MIER1: variants seen among roughly 807,000 people sequenced by gnomAD.
MIER1 encodes mesoderm induction early response protein 1.
Under a neutral mutation model 75.7 loss-of-function variants are expected in MIER1, and 40 were observed. The ratio of observed to expected loss-of-function variants is 0.53; its 90% confidence interval spans 0.41 to 0.69. MIER1 has a LOEUF of 0.69. Among genes scored for constraint, MIER1 ranks in the 30% least tolerant of loss-of-function variants. MIER1 has a pLI of 0.00. For missense variants in MIER1, 574 were observed against 680.2 expected, an observed-to-expected ratio of 0.84 and a Z score of 1.74; for synonymous variants, 213 against 223.4, an observed-to-expected ratio of 0.95 and a Z score of 0.42.
Position 66,984,863 on chromosome 1 carries a change from A to T in MIER1, c.1661A>T (p.His554Leu), listed in dbSNP as rs754428061. 6.3e-7 allele frequency: 1 copy of T among 1,597,542 alleles called. No individual in the cohort carries two copies. Among genetic ancestry groups the T allele is most frequent in the Non-Finnish European group, 8.5e-7 (1 of 1,175,478 alleles). The change falls in exon 14 of 14, where the codon CAT (histidine) becomes CTT (leucine). Residue 554 changes from histidine (H) to leucine (L), a missense_variant. His to Leu is a moderately conservative substitution (Grantham distance 99). This residue lies in a region of MIER1 where 164 missense variants were observed against 154.3 expected (regional missense o/e 1.06). Transcript: ENST00000401041. ...SSEFFQEAVS[H>L]GKFEELENTD... is the part of the protein sequence containing the mutation. ...GAATTTTTCCAAGAAGCAGTCTCAC[A>T]TGGGAAATTTGAAGAACTTGAAAAC...
At position 66,984,891 on chromosome 1, in the gene MIER1, A is replaced by G; in HGVS notation, c.1689A>G (p.Thr563=). Residue 563 remains threonine, a synonymous_variant, in exon 14 of 14, where the codon ACA becomes ACG. Coordinates refer to ENST00000401041, the MANE Select transcript of MIER1 (RefSeq NM_001077700.3). The part of the protein sequence containing the change: ...SHGKFEELEN[T]DD ...GGAAATTTGAAGAACTTGAAAACACAGATGACTAAATTTTAGACCTATTTT... is the reference window on the plus strand; with the variant it reads ...GGAAATTTGAAGAACTTGAAAACACGGATGACTAAATTTTAGACCTATTTT... The G allele has an allele frequency of 6.3e-7, 1 of 1,584,826 alleles. No homozygotes were observed. The highest frequency in any genetic ancestry group is 8.5e-7 in the Non-Finnish European group (1 of 1,170,674).
rs1481563493 is a variant in MIER1, at chr1:66,986,373, ATATT to A, written c.*1474_*1477del. 2.8e-5 allele frequency: 45 copies of A among 1,603,168 alleles called. No homozygotes were observed. The highest frequency in any genetic ancestry group is 3.5e-5 in the Non-Finnish European group (41 of 1,175,748). ...CAACCTATATCCAAACTTTTATAAA[ATATT>A]AATTATTCTTGTTTTTCTCACACAG... On this transcript the variant is annotated 3_prime_UTR_variant, in exon 14 of 14. Coordinates refer to ENST00000401041, the MANE Select transcript of MIER1 (RefSeq NM_001077700.3).
At chr1:66,929,038 C>A in intron 2 of MIER1, 1 of 898,266 alleles carries the variant, frequency 1.1e-6, no homozygotes, top group Non-Finnish European at 1.8e-6. Flanking sequence ...TATTATTGGA[C>A]ATAACAGTTT....
chr1:66,964,618 A>G (rs1006550095), intron 8 of MIER1, among the ~76,000 whole-genome samples: 5 of 151,164 alleles, frequency 3.3e-5, no homozygotes, highest in Non-Finnish European at 7.4e-5. Flanking sequence ...ACGCCCAGCT[A>G]ATTTTGTATT....
intron 12 of MIER1, among the ~76,000 whole-genome samples, chr1:66,981,066 A>G (rs1464010017): frequency 7.0e-6 from 1 of 142,168 alleles, no homozygotes; most frequent in Non-Finnish European, 1.5e-5. Context: ...ATGTACATAT[A>G]TAATACAATA....
intron 4 of MIER1, among the ~76,000 whole-genome samples, chr1:66,951,745 A>G (rs979657481): frequency 6.6e-6 from 1 of 152,078 alleles, no homozygotes; most frequent in East Asian, 1.9e-4. Flanking sequence ...GTGCCTGGCT[A>G]CATTCCTGTA....
At chr1:66,925,492 G>C in intron 1 of MIER1, 2 of 985,460 alleles carry the variant, frequency 2.0e-6, no homozygotes, top group Non-Finnish European at 2.4e-6. Context: ...CCTCACTTGT[G>C]TCCCATCCCC....
At chr1:66,966,498 G>A (rs978262010) in intron 8 of MIER1, among the ~76,000 whole-genome samples, 1 of 152,266 alleles carries the variant, frequency 6.6e-6, no homozygotes, top group Non-Finnish European at 1.5e-5. Context: ...ATAAACATAC[G>A]TGTGCATGTG....
At chr1:66,957,376 TACTTGTA>T (rs891113782) in intron 4 of MIER1, among the ~76,000 whole-genome samples, 16 of 152,342 alleles carry the variant, frequency 1.1e-4, no homozygotes, top group African/African-American at 3.6e-4. Flanking sequence ...CTGGCTCTAC[TACTTGTA>T]ACTTGTGTGA....
At chr1:66,928,469 T>G (rs555604151) in intron 2 of MIER1, among the ~76,000 whole-genome samples, 1 of 152,192 alleles carries the variant, frequency 6.6e-6, no homozygotes, top group South Asian at 2.1e-4. Flanking sequence ...AAATTAGCTT[T>G]CATATGTTAA....
chr1:66,965,793 T>G (rs1197088899), intron 8 of MIER1, among the ~76,000 whole-genome samples: 1 of 152,192 alleles, frequency 6.6e-6, no homozygotes, highest in Non-Finnish European at 1.5e-5. Flanking sequence ...CATCCCTACC[T>G]CTCTCTTACT....
Position 66,985,993 on chromosome 1 carries a change from C to A in MIER1, c.*1093C>A. ...TAAGTGCTTAAATATATCATGCTGA[C>A]CAGAATCCTGTTATTTTTATATGCA... On this transcript the variant is annotated 3_prime_UTR_variant, in exon 14 of 14. Coordinates refer to ENST00000401041, the MANE Select transcript of MIER1 (RefSeq NM_001077700.3). 4.0e-6 allele frequency: 4 copies of A among 988,542 alleles called. No homozygotes were observed. Among genetic ancestry groups the A allele is most frequent in the Non-Finnish European group, 4.8e-6 (4 of 832,060 alleles). 61.2% of individuals were successfully genotyped at this position (988,542 alleles called of 1,614,324 possible).
intron 2 of MIER1, among the ~76,000 whole-genome samples, chr1:66,933,017 T>C (rs956011485): frequency 1.3e-5 from 2 of 152,158 alleles, no homozygotes; most frequent in East Asian, 3.8e-4. Flanking sequence ...GGTTCTTCAG[T>C]TGTGATAACA....
chr1:66,978,305 G>C lies in MIER1; in HGVS notation c.1229+1583G>C, dbSNP rs114473064. On this transcript the variant is annotated intron_variant, in intron 12 of 13. Coordinates refer to ENST00000401041, the MANE Select transcript of MIER1 (RefSeq NM_001077700.3). ...TCATTTATAGGTAGGTATCTCTGCT[G>C]GTCACTTCCTTAGAAGGTCAAATGC... is the stretch of plus-strand genomic sequence containing the variant. Among the ~76,000 whole-genome samples, 969 of 151,940 alleles carry C rather than the reference G, an allele frequency of 6.4e-3. 9 individuals carry two copies. Among genetic ancestry groups the C allele is most frequent in the African/African-American group, 0.022 (903 of 41,438 alleles).
chr1:66,976,128 C>T (rs1431710234), intron 11 of MIER1, among the ~76,000 whole-genome samples: 72 of 151,898 alleles, frequency 4.7e-4, no homozygotes, highest in Admixed American at 4.5e-3. Flanking sequence ...CTCAGCCTCC[C>T]GAGTAGCTGG....
Position 66,985,861 on chromosome 1 carries a change from A to ATT in MIER1, c.*963_*964dup. 2 of 866,824 alleles carry ATT rather than the reference A, an allele frequency of 2.3e-6. No individual in the cohort carries two copies. Among genetic ancestry groups the ATT allele is most frequent in the Non-Finnish European group, 2.8e-6 (2 of 726,590 alleles). 53.7% of individuals were successfully genotyped at this position (866,824 alleles called of 1,614,324 possible). On this transcript the variant is annotated 3_prime_UTR_variant, in exon 14 of 14. Transcript: ENST00000401041. Reference sequence around the variant, plus strand: ...TTAAATTTCTACTTAAGGGCAAGTAATTTGAGAATTCTGAAATTAAGCATG... The same window carrying ATT: ...TTAAATTTCTACTTAAGGGCAAGTAATTTTTGAGAATTCTGAAATTAAGCATG...
intron 2 of MIER1, among the ~76,000 whole-genome samples, chr1:66,928,237 G>A (rs566487013): frequency 2.6e-4 from 40 of 152,090 alleles, no homozygotes; most frequent in East Asian, 9.6e-4. Flanking sequence ...TTATTTAACA[G>A]TAAGATAGAT....
In MIER1 at chr1:66,976,510, A is replaced by C; in HGVS notation, c.1102-85A>C. 3.6e-6 allele frequency: 5 copies of C among 1,387,978 alleles called. No individual in the cohort carries two copies. In the South Asian group the frequency reaches 7.3e-5, roughly 20 times the overall value. 86.0% of individuals were successfully genotyped at this position (1,387,978 alleles called of 1,614,324 possible). On this transcript the variant is annotated intron_variant, in intron 11 of 13. Transcript: ENST00000401041. ...TTATATTTCAGTTAAGGACTAGCCA[A>C]ATTTATTTTCAAACTTCAGATGTTT...
chr1:66,952,521 A>G (rs1659206101), intron 4 of MIER1, among the ~76,000 whole-genome samples: 1 of 152,212 alleles, frequency 6.6e-6, no homozygotes, highest in Non-Finnish European at 1.5e-5. Flanking sequence ...AAACTAGGTT[A>G]GACAAAATGA....
Sources: gnomAD v4.1 joint callset for allele counts (sites outside exome capture counted in the v4.1 genomes callset) on GRCh38, gnomAD v4.1.1 for gene constraint, gnomAD v4.1.1 regional missense constraint, MANE v1.5 for transcripts, NCBI Gene and HGNC (gene_info 2026-07-23, HGNC 2026-07-21) for gene names.